The following PHTF1 variants were observed in gnomAD, a reference collection of about 807,000 sequenced individuals.
The protein encoded by PHTF1 is putative homeodomain transcription factor 1.
In PHTF1, 88 loss-of-function variants were observed where a neutral mutation model predicts 102.4. That is an observed-to-expected ratio of 0.86 (90% CI 0.72 to 1.03). The LOEUF (loss-of-function observed/expected upper bound fraction) is 1.03, where lower values mean the gene tolerates loss of function less well. Ranked by LOEUF, PHTF1 falls within the 50% of genes least tolerant of loss-of-function variation. PHTF1 has a pLI of 0.00. For synonymous variants in PHTF1, 289 were observed against 305.2 expected (o/e 0.95, Z 0.55); for missense variants, 814 against 909.5 (o/e 0.89, Z 1.35).
intron 7 of PHTF1, among the ~76,000 whole-genome samples, chr1:113,718,349 C>T (rs763484616): frequency 6.6e-6 from 1 of 152,198 alleles, no homozygotes; most frequent in Non-Finnish European, 1.5e-5. Flanking sequence ...GGTAAAGCCT[C>T]CCTCCTGGCT....
At chr1:113,698,506 T>C in intron 17 of PHTF1, 119 bp from the exon 18 acceptor site, 1 of 823,960 alleles carries the variant, frequency 1.2e-6, no homozygotes, top group Non-Finnish European at 1.9e-6. Context: ...TTCCTTAATA[T>C]TCAAAGAGCT....
chr1:113,712,172 C>A, intron 8 of PHTF1, 59 bp from the exon 9 acceptor site: 2 of 1,379,470 alleles, frequency 1.4e-6, no homozygotes, highest in Admixed American at 2.2e-5. Flanking sequence ...TAATAAGCTG[C>A]ATGTGTAAAA....
chr1:113,750,316 A>G (rs949631131), intron 3 of PHTF1, among the ~76,000 whole-genome samples: 4 of 152,148 alleles, frequency 2.6e-5, no homozygotes, highest in African/African-American at 4.8e-5. Context: ...TGTCAGTGTC[A>G]TCTATCATAT....
chr1:113,704,315 G>C (rs912281796), intron 14 of PHTF1, 148 bp from the exon 15 acceptor site: 2 of 524,110 alleles, frequency 3.8e-6, no homozygotes, highest in Non-Finnish European at 6.8e-6. Context: ...TATTTTGGAC[G>C]TCATCAACTT....
intron 17 of PHTF1, 130 bp downstream of exon 17, chr1:113,699,574 G>A (rs1364888927): frequency 1.8e-5 from 12 of 673,836 alleles, no homozygotes; most frequent in Non-Finnish European, 2.4e-5. Flanking sequence ...TACCCCTGAT[G>A]CCACTGTGGA....
At position 113,748,099 on chromosome 1, in the gene PHTF1, G is replaced by A. The variant is rs372020917; in HGVS notation, c.103-9300C>T. 3.3e-5 allele frequency among the ~76,000 whole-genome samples: 5 copies of A among 151,954 alleles called. No homozygotes were observed. The East Asian group carries it at 5.8e-4, about 18-fold the overall frequency. ...CTCAAAGGACCCTTTCACCTCAGCCGTCTGAGTAGCTGCGACTACAGGCAC... is the reference window on the plus strand; with the variant it reads ...CTCAAAGGACCCTTTCACCTCAGCCATCTGAGTAGCTGCGACTACAGGCAC... On this transcript the variant is annotated intron_variant, in intron 3 of 18. Transcript: ENST00000369604.
intron 3 of PHTF1, among the ~76,000 whole-genome samples, chr1:113,748,384 A>G (rs771562991): frequency 2.0e-5 from 3 of 152,062 alleles, no homozygotes; most frequent in Admixed American, 6.6e-5. Context: ...CTTTTTCTGG[A>G]ACATCTATTA....
intron 3 of PHTF1, among the ~76,000 whole-genome samples, chr1:113,748,073 G>T (rs1013971505): frequency 6.6e-6 from 1 of 152,076 alleles, no homozygotes; most frequent in Non-Finnish European, 1.5e-5. Flanking sequence ...GAACTCCCAG[G>T]CTCAAAGGAC....
chr1:113,734,965 G>A (rs1655245897), intron 5 of PHTF1, among the ~76,000 whole-genome samples: 1 of 152,096 alleles, frequency 6.6e-6, no homozygotes, highest in African/African-American at 2.4e-5. Flanking sequence ...AAATAAATTT[G>A]TGTTGTTGAT....
intron 3 of PHTF1, among the ~76,000 whole-genome samples, chr1:113,750,763 G>T (rs964411575): frequency 6.6e-6 from 1 of 151,904 alleles, no homozygotes; most frequent in African/African-American, 2.4e-5. Flanking sequence ...GGCTGAGGCA[G>T]GAGAATCACT....
At chr1:113,711,017 C>T (rs1230647) in intron 10 of PHTF1, among the ~76,000 whole-genome samples, 116,751 of 151,702 alleles carry the variant, frequency 0.77, 45,898 homozygotes, top group African/African-American at 0.91. Flanking sequence ...TAAGAAGCTA[C>T]TGCCATGTTA....
chr1:113,735,944 T>C (rs1243801766), intron 5 of PHTF1, among the ~76,000 whole-genome samples: 1 of 152,156 alleles, frequency 6.6e-6, no homozygotes, highest in African/African-American at 2.4e-5. Context: ...AGAGAATATA[T>C]TGGGTCCCTG....
rs757637987 is a variant in PHTF1 at position 113,711,749 on chromosome 1, G to A, written c.1044C>T (p.Ser348=). 6.8e-6 allele frequency: 11 copies of A among 1,609,480 alleles called. No individual in the cohort carries two copies. Among genetic ancestry groups the A allele is most frequent in the Non-Finnish European group, 7.7e-6 (9 of 1,175,832 alleles). The part of the protein sequence containing the change: ...AESEFESAAF[S]QGSRSGVSGG... ...ATTTCTCAAAGGGATACTTTACCTG[G>A]CTGAAGGCTGCTGATTCAAATTCTG... Residue 348 remains serine, a synonymous_variant, in exon 10 of 19, where the codon AGC becomes AGT. Coordinates refer to ENST00000369604, the MANE Select transcript of PHTF1 (RefSeq NM_001323043.2).
upstream of PHTF1, among the ~76,000 whole-genome samples, chr1:113,759,872 G>A (rs1659448953): frequency 6.6e-6 from 1 of 152,226 alleles, no homozygotes; most frequent in South Asian, 2.1e-4. Context: ...CACAAGCCTG[G>A]CACTTAGGTT....
At chr1:113,758,849 C>G (rs1659277739) in intron 1 of PHTF1, 116 bp from the exon 2 acceptor site, 1 of 1,345,442 alleles carries the variant, frequency 7.4e-7, no homozygotes, top group Non-Finnish European at 9.6e-7. Context: ...CTTTCTCCAG[C>G]TGTTTGCCAG....
At chr1:113,716,910 CAG>C (rs1652130486) in intron 7 of PHTF1, among the ~76,000 whole-genome samples, 1 of 151,990 alleles carries the variant, frequency 6.6e-6, no homozygotes, top group Non-Finnish European at 1.5e-5. Context: ...ACAAAAAAGA[CAG>C]AATATTATAA....
At chr1:113,724,355 C>G (rs960000917) in intron 7 of PHTF1, among the ~76,000 whole-genome samples, 2 of 151,976 alleles carry the variant, frequency 1.3e-5, no homozygotes, top group African/African-American at 2.4e-5. Context: ...GCCTGGGCAA[C>G]ATGGTTACAC....
At chr1:113,745,974 A>G (rs887422678) in intron 3 of PHTF1, among the ~76,000 whole-genome samples, 1 of 152,256 alleles carries the variant, frequency 6.6e-6, no homozygotes, top group Non-Finnish European at 1.5e-5. Context: ...ACTGTCTTCC[A>G]TGAAACTGGT....
chr1:113,722,302 G>A (rs992005216), intron 7 of PHTF1, among the ~76,000 whole-genome samples: 5 of 151,796 alleles, frequency 3.3e-5, no homozygotes, highest in Admixed American at 6.6e-5. Flanking sequence ...AGCCGGGCAC[G>A]GTGGCGGGTG....
Sources: allele counts gnomAD v4.1 joint callset (sites outside exome capture counted in the v4.1 genomes callset), GRCh38; gene constraint gnomAD v4.1.1; transcripts MANE v1.5; gene names NCBI Gene and HGNC (gene_info 2026-07-23, HGNC 2026-07-21).